Variants in HADHA observed in about 807,000 individuals in gnomAD.
HADHA encodes trifunctional enzyme subunit alpha, mitochondrial.
HADHA carries 59 observed loss-of-function variants against 91.3 expected under a neutral mutation model. The ratio of observed to expected loss-of-function variants is 0.65; its 90% CI spans 0.52 to 0.80. HADHA has a LOEUF of 0.80. HADHA is among the 30% of genes least tolerant of loss of function. The pLI is 0.00. For missense variants in HADHA, 800 were observed against 927.6 expected (o/e 0.86, Z 1.79); for synonymous variants, 320 against 338.9 (o/e 0.94, Z 0.61).
At chr2:26,213,579 T>A (rs888234755) in intron 9 of HADHA, among the ~76,000 whole-genome samples, 1 of 152,086 alleles carries the variant, frequency 6.6e-6, no homozygotes, top group African/African-American at 2.4e-5. Flanking sequence ...GGCAATACTT[T>A]CCCTCCTTCA....
intron 11 of HADHA, among the ~76,000 whole-genome samples, chr2:26,204,820 T>C (rs1669934602): frequency 6.6e-6 from 1 of 152,132 alleles, no homozygotes; most frequent in African/African-American, 2.4e-5. Context: ...TGGCCTGGCC[T>C]CAAATGATCC....
rs1553315306 is a variant in HADHA, at chr2:26,229,348, G to GCACGCACA, written c.676+843_676+844insTGTGCGTG. 1.4e-5 allele frequency among the ~76,000 whole-genome samples: 2 copies of GCACGCACA among 147,520 alleles called. No individual in the cohort carries two copies. The highest frequency in any genetic ancestry group is 3.0e-5 in the Non-Finnish European group (2 of 67,104). On this transcript the variant is annotated intron_variant, in intron 7 of 19. Transcript: ENST00000380649. The surrounding 1 kb of genome is among the most constrained non-coding windows in gnomAD (Gnocchi z 4.3). The stretch of plus-strand genomic sequence containing the variant: ...GTGAGACCCCAACATGTGTGCGCGC[G>GCACGCACA]CACACACACACACACACACACACAC...
In HADHA at chr2:26,212,557, G is replaced by A; in HGVS notation, c.975+13C>T. ...TTAACTGATAATAAAACATTGAAAG[G>A]AAATAAGTTTACCTGAGATTCACAG... On this transcript the variant is annotated intron_variant, in intron 10 of 19. Transcript: ENST00000380649. 6.7e-7 allele frequency: 1 copy of A among 1,486,186 alleles called. No homozygotes were observed. 92.1% of individuals were successfully genotyped at this position (1,486,186 alleles called of 1,614,324 possible). A position where few individuals can be genotyped will look rare whatever the true frequency, so the allele number is the denominator to read the frequency against.
chr2:26,235,896 A>G (rs896126597), intron 4 of HADHA, among the ~76,000 whole-genome samples: 6 of 152,212 alleles, frequency 3.9e-5, no homozygotes, highest in African/African-American at 9.6e-5. Context: ...AGAGGAAAAG[A>G]AAATACTAGC....
Position 26,195,250 on chromosome 2 carries a change from A to C in HADHA, c.1480-18T>G. On this transcript the variant is annotated intron_variant, in intron 14 of 19. Coordinates refer to ENST00000380649, the MANE Select transcript of HADHA (RefSeq NM_000182.5). ...CCAATCACCTGGCAAGGGGAACCAA[A>C]AGCCAACAGATCGGAGAATGCGGGT... 2.5e-6 allele frequency: 4 copies of C among 1,607,876 alleles called. No homozygotes were observed. Among genetic ancestry groups the C allele is most frequent in the Non-Finnish European group, 3.4e-6 (4 of 1,174,430 alleles).
intron 16 of HADHA, 125 bp downstream of exon 16, chr2:26,194,445 C>T (rs2147752913): frequency 2.7e-6 from 2 of 741,556 alleles, no homozygotes; most frequent in East Asian, 2.5e-5. Flanking sequence ...GCACCAGGGA[C>T]CTTCCTAGAC....
At chr2:26,204,832 C>T (rs1669934809) in intron 11 of HADHA, among the ~76,000 whole-genome samples, 1 of 152,174 alleles carries the variant, frequency 6.6e-6, no homozygotes, top group South Asian at 2.1e-4. Context: ...AAATGATCCT[C>T]CCACATCAGC....
chr2:26,207,653 G>A (rs1168039936), intron 11 of HADHA, among the ~76,000 whole-genome samples: 4 of 152,138 alleles, frequency 2.6e-5, no homozygotes, highest in African/African-American at 7.2e-5. Context: ...TATGGTGCAC[G>A]ATGCTTTATA....
intron 9 of HADHA, 68 bp from the exon 10 acceptor site, chr2:26,212,694 A>G: frequency 4.9e-6 from 5 of 1,029,892 alleles, no homozygotes; most frequent in Non-Finnish European, 7.7e-6. Flanking sequence ...AATGCTGAAT[A>G]AAATTGCCAG....
chr2:26,206,788 G>A (rs1473745520), intron 11 of HADHA, among the ~76,000 whole-genome samples: 1 of 152,172 alleles, frequency 6.6e-6, no homozygotes, highest in East Asian at 1.9e-4. Flanking sequence ...GTCAACAGGG[G>A]ATTAAAAGGA....
At position 26,230,257 on chromosome 2, in the gene HADHA, C is replaced by T; in HGVS notation, c.611G>A (p.Gly204Asp). ...VPAALDMMLTGRSIRADRAKK... is the reference protein window; with the variant it reads ...VPAALDMMLTDRSIRADRAKK... ...TGCCCTGTCTGCACGAATGCTTCTA[C>T]CAGTCAGCATCATGTCCAAAGCAGC... The change falls in exon 7 of 20, where the codon GGT (glycine) becomes GAT (aspartate). Residue 204 changes from glycine to aspartate, a missense_variant. Physicochemically the swap from Gly to Asp is moderately conservative, Grantham distance 94 (BLOSUM62 -1). Coordinates refer to ENST00000380649, the MANE Select transcript of HADHA (RefSeq NM_000182.5). The T allele has an allele frequency of 1.2e-6, 2 of 1,613,688 alleles. No individual in the cohort carries two copies. Among genetic ancestry groups the T allele is most frequent in the African/African-American group, 1.3e-5 (1 of 75,002 alleles).
chr2:26,191,855 G>T (rs1351359615), intron 18 of HADHA, among the ~76,000 whole-genome samples: 5 of 152,224 alleles, frequency 3.3e-5, no homozygotes, highest in Non-Finnish European at 7.3e-5. Flanking sequence ...ACAGGGCCTG[G>T]TGCCGAGAAG....
rs1279827306 is a variant in HADHA at position 26,195,227 on chromosome 2, A to G, written c.1485T>C (p.Ile495=). 6.2e-7 allele frequency: 1 copy of G among 1,613,184 alleles called. No individual in the cohort carries two copies. Among genetic ancestry groups the G allele is most frequent in the Non-Finnish European group, 8.5e-7 (1 of 1,179,154 alleles). The change falls in exon 15 of 20, where the codon ATT becomes ATC. Residue 495 remains isoleucine, a synonymous_variant. Coordinates refer to ENST00000380649, the MANE Select transcript of HADHA (RefSeq NM_000182.5). ...CCACGGGAGAGAAGTAGTGCATGCCAATCACCTGGCAAGGGGAACCAAAAG... is the reference window on the plus strand; with the variant it reads ...CCACGGGAGAGAAGTAGTGCATGCCGATCACCTGGCAAGGGGAACCAAAAG... ...AAVSKRPEKV[I]GMHYFSPVDK...
At chr2:26,216,838 C>T (rs953305586) in intron 7 of HADHA, among the ~76,000 whole-genome samples, 3 of 152,020 alleles carry the variant, frequency 2.0e-5, no homozygotes, top group East Asian at 1.9e-4. Context: ...AAACTCTGGC[C>T]GAGTATTGTT....
intron 7 of HADHA, among the ~76,000 whole-genome samples, chr2:26,224,079 T>G (rs903487445): frequency 6.6e-6 from 1 of 152,178 alleles, no homozygotes; most frequent in African/African-American, 2.4e-5. Context: ...CTTCTCCCAG[T>G]CTACTCCACT....
At position 26,220,504 on chromosome 2, in the gene HADHA, C is replaced by G. The variant is rs528575581; in HGVS notation, c.677-5329G>C. Among the ~76,000 whole-genome samples the G allele has an allele frequency of 3.3e-5, 5 of 152,322 alleles. No homozygotes were observed. In the South Asian group the frequency reaches 1.0e-3, roughly 32 times the overall value. On this transcript the variant is annotated intron_variant, in intron 7 of 19. Transcript: ENST00000380649. Reference sequence around the variant, plus strand: ...CCCACTTCATTCTCATTCAACTTGCCTACTCTGGACAGTGCAGAAAACAGA... The same window carrying G: ...CCCACTTCATTCTCATTCAACTTGCGTACTCTGGACAGTGCAGAAAACAGA...
intron 5 of HADHA, among the ~76,000 whole-genome samples, chr2:26,232,494 G>C (rs1407848712): frequency 6.6e-6 from 1 of 151,840 alleles, no homozygotes; most frequent in African/African-American, 2.4e-5. Context: ...TTGGGCCGTA[G>C]ATCTCCTAAA....
intron 7 of HADHA, among the ~76,000 whole-genome samples, chr2:26,228,807 G>T (rs142571673): frequency 1.3e-5 from 2 of 151,886 alleles, no homozygotes; most frequent in Non-Finnish European, 2.9e-5. Flanking sequence ...GACTAGCTGG[G>T]ACTACAGGTA....
intron 10 of HADHA, 31 bp downstream of exon 10, chr2:26,212,539 A>G: frequency 7.6e-7 from 1 of 1,320,668 alleles, no homozygotes; most frequent in Admixed American, 1.7e-5. Flanking sequence ...CCTTTAACTG[A>G]TAATAAAACA....
Sources: gnomAD v4.1 joint callset for allele counts (sites outside exome capture counted in the v4.1 genomes callset) on GRCh38, gnomAD v4.1.1 for gene constraint, Gnocchi (gnomAD v3.1) non-coding constraint, MANE v1.5 for transcripts, NCBI Gene and HGNC (gene_info 2026-07-23, HGNC 2026-07-21) for gene names.